PCDHGB4: variants seen among roughly 807,000 people sequenced by gnomAD.
PCDHGB4 encodes protocadherin gamma-B4.
Under a neutral mutation model 60.5 loss-of-function variants are expected in PCDHGB4, and 38 were observed. The ratio of observed to expected loss-of-function variants is 0.63; its 90% CI spans 0.48 to 0.82. PCDHGB4 has a LOEUF of 0.82. PCDHGB4 is among the 40% of genes least tolerant of loss of function. PCDHGB4 has a pLI of 0.00. For synonymous variants in PCDHGB4, 456 were observed against 509.7 expected, an observed-to-expected ratio of 0.89 and a Z score of 1.42; for missense variants, 1,109 against 1,209.6, an observed-to-expected ratio of 0.92 and a Z score of 1.23.
At chr5:141,419,413 C>T (rs568417008) in intron 1 of PCDHGB4, 4 of 1,613,444 alleles carry the variant, frequency 2.5e-6, no homozygotes, top group African/African-American at 1.3e-5. Flanking sequence ...TCGCGCAGCG[C>T]GCCTTCGACC....
intron 1 of PCDHGB4, chr5:141,399,419 G>T (rs778389329): frequency 6.2e-7 from 1 of 1,614,000 alleles, no homozygotes; most frequent in Admixed American, 1.7e-5. Context: ...CTCTCCTCCA[G>T]CATAAGCGTC....
At chr5:141,406,332 G>A (rs957923011) in intron 1 of PCDHGB4, among the ~76,000 whole-genome samples, 4 of 152,142 alleles carry the variant, frequency 2.6e-5, no homozygotes, top group East Asian at 1.9e-4. Context: ...TTACTCCTAC[G>A]ATCATTTATT....
At chr5:141,421,967 T>C (rs760789458) in intron 1 of PCDHGB4, 2 of 1,611,174 alleles carry the variant, frequency 1.2e-6, no homozygotes, top group Admixed American at 3.4e-5. Flanking sequence ...ACACAGTCCG[T>C]ATATCGCGTG....
intron 1 of PCDHGB4, among the ~76,000 whole-genome samples, chr5:141,429,602 C>T (rs548994907): frequency 1.1e-4 from 16 of 152,218 alleles, no homozygotes; most frequent in African/African-American, 3.6e-4. Flanking sequence ...TTCAAGTAAA[C>T]TCAATTTTAT....
intron 1 of PCDHGB4, chr5:141,430,865 C>G: frequency 6.3e-7 from 1 of 1,595,350 alleles, no homozygotes; most frequent in Non-Finnish European, 8.5e-7. Flanking sequence ...CTATTCAGTT[C>G]CGGAAGAGCT....
At chr5:141,401,214 C>T (rs894124786) in intron 1 of PCDHGB4, among the ~76,000 whole-genome samples, 4 of 151,920 alleles carry the variant, frequency 2.6e-5, no homozygotes, top group Non-Finnish European at 4.4e-5. Context: ...TGGTGGCGGG[C>T]GCCTGTAATC....
chr5:141,486,146 G>T lies in PCDHGB4; in HGVS notation c.2398-8661G>T. Reference sequence around the variant, plus strand: ...TGAATTTGATGTGCGGGCTCGCGATGGGGGTTCTCCAGCCATGGAGCAACA... The same window carrying T: ...TGAATTTGATGTGCGGGCTCGCGATTGGGGTTCTCCAGCCATGGAGCAACA... On this transcript the variant is annotated intron_variant, in intron 1 of 3. Transcript: ENST00000519479. The surrounding 1 kb of genome is among the most constrained non-coding windows in gnomAD (Gnocchi z 5.0). 6.2e-7 allele frequency: 1 copy of T among 1,614,184 alleles called. No homozygotes were observed. The highest frequency in any genetic ancestry group is 8.5e-7 in the Non-Finnish European group (1 of 1,180,032).
intron 1 of PCDHGB4, chr5:141,408,916 C>T (rs1379557230): frequency 6.8e-6 from 11 of 1,613,024 alleles, no homozygotes; most frequent in African/African-American, 2.7e-5. Flanking sequence ...CCAATGATAA[C>T]CCCCCGGTTT....
At chr5:141,400,498 A>G (rs1181845890) in intron 1 of PCDHGB4, 2 of 1,614,034 alleles carry the variant, frequency 1.2e-6, no homozygotes, top group Non-Finnish European at 1.7e-6. Flanking sequence ...TTGTAATTCC[A>G]GCGAGTCGAC....
chr5:141,418,360 G>A (rs544948410), intron 1 of PCDHGB4: 3 of 1,613,990 alleles, frequency 1.9e-6, no homozygotes, highest in Non-Finnish European at 2.5e-6. Context: ...TGAATTCGCT[G>A]AGCAAATACC....
At chr5:141,503,804 G>A (rs2099831736) in intron 2 of PCDHGB4, among the ~76,000 whole-genome samples, 1 of 152,034 alleles carries the variant, frequency 6.6e-6, no homozygotes, top group South Asian at 2.1e-4. Flanking sequence ...TAGGGACGGG[G>A]AATCCCAGAT....
rs1205836590 is a variant in PCDHGB4 at position 141,476,270 on chromosome 5, G to A, written c.2398-18537G>A. The A allele has an allele frequency of 6.2e-7, 1 of 1,614,088 alleles. No individual in the cohort carries two copies. Among genetic ancestry groups the A allele is most frequent in the Admixed American group, 1.7e-5 (1 of 60,026 alleles). Reference sequence around the variant, plus strand: ...GGGTTTCGCTGTGGGCAACGTGGTCGCGAACCTTGGTTTGGATCTCGGTAG... The same window carrying A: ...GGGTTTCGCTGTGGGCAACGTGGTCACGAACCTTGGTTTGGATCTCGGTAG... On this transcript the variant is annotated intron_variant, in intron 1 of 3. Transcript: ENST00000519479. The surrounding 1 kb of genome is among the most constrained non-coding windows in gnomAD (Gnocchi z 7.6).
Position 141,431,829 on chromosome 5 carries a change from C to T in PCDHGB4, c.2397+41548C>T, listed in dbSNP as rs758915768. On this transcript the variant is annotated intron_variant, in intron 1 of 3. Transcript: ENST00000519479. The surrounding 1 kb of genome is among the most constrained non-coding windows in gnomAD (Gnocchi z 4.8). ...CTCACCTCTCTCGCCAGCTCGGTTC[C>T]CGAAAACTCTCCCAGAGGGACATTA... The T allele has an allele frequency of 1.9e-6, 3 of 1,613,928 alleles. No individual in the cohort carries two copies. The highest frequency in any genetic ancestry group is 2.2e-5 in the South Asian group (2 of 91,090).
intron 1 of PCDHGB4, chr5:141,404,120 C>T (rs1224189151): frequency 1.2e-6 from 2 of 1,613,312 alleles, no homozygotes; most frequent in East Asian, 4.5e-5. Flanking sequence ...CCAGGAGAAT[C>T]TATCTTTTAC....
Position 141,511,208 on chromosome 5 carries a change from C to T in PCDHGB4, c.*35C>T, listed in dbSNP as rs1278180818. 27 of 1,610,922 alleles carry T rather than the reference C, an allele frequency of 1.7e-5. No individual in the cohort carries two copies. Among genetic ancestry groups the T allele is most frequent in the Non-Finnish European group, 2.3e-5 (27 of 1,178,572 alleles). ...CAGGCCAAGAGCCACAGGGCGGCCT[C>T]TCCCCAACCAGCCCAGCTTCTCCTT... On this transcript the variant is annotated 3_prime_UTR_variant, in exon 4 of 4. Coordinates refer to ENST00000519479, the MANE Select transcript of PCDHGB4 (RefSeq NM_003736.4).
At position 141,511,130 on chromosome 5, in the gene PCDHGB4, G is replaced by A. The variant is rs777082914; in HGVS notation, c.2729G>A (p.Gly910Asp). ...GKRDGKAPAG[G>D]NGNKKKSGKK... ...CGGGATGGCAAGGCCCCAGCAGGTG[G>A]CAATGGCAACAAGAAGAAGTCGGGC... The change falls in exon 4 of 4, where the codon GGC (glycine) becomes GAC (aspartate). Residue 910 changes from glycine (G) to aspartate (D), a missense_variant. Coordinates refer to ENST00000519479, the MANE Select transcript of PCDHGB4 (RefSeq NM_003736.4). 6.2e-7 allele frequency: 1 copy of A among 1,614,210 alleles called. No homozygotes were observed. The highest frequency in any genetic ancestry group is 1.1e-5 in the South Asian group (1 of 91,090).
rs766168062 is a variant in PCDHGB4, at chr5:141,491,124, G to A, written c.2398-3683G>A. ...TCGTGTCTACACACACTGGTGAGGT[G>A]CGCACAGCCCGGGCCTTACTGGAGG... On this transcript the variant is annotated intron_variant, in intron 1 of 3. Transcript: ENST00000519479. The surrounding 1 kb of genome is among the most constrained non-coding windows in gnomAD (Gnocchi z 6.9). 22 of 1,614,092 alleles carry A rather than the reference G, an allele frequency of 1.4e-5. No individual in the cohort carries two copies. The highest frequency in any genetic ancestry group is 3.3e-5 in the Admixed American group (2 of 60,004).
At chr5:141,459,686 C>T (rs79275885) in intron 1 of PCDHGB4, among the ~76,000 whole-genome samples, 5,534 of 152,296 alleles carry the variant, frequency 0.036, 130 homozygotes, top group South Asian at 0.077. Flanking sequence ...ATGCATAAAG[C>T]GTTCCGCTTG....
intron 3 of PCDHGB4, among the ~76,000 whole-genome samples, chr5:141,510,203 G>A (rs1164886289): frequency 6.6e-6 from 1 of 151,680 alleles, no homozygotes; most frequent in Non-Finnish European, 1.5e-5. Flanking sequence ...AGCCCAGGAG[G>A]CAGAGGTTGC....
Sources: allele counts gnomAD v4.1 joint callset (sites outside exome capture counted in the v4.1 genomes callset), GRCh38; gene constraint gnomAD v4.1.1; non-coding constraint Gnocchi (gnomAD v3.1); transcripts MANE v1.5; gene names NCBI Gene and HGNC (gene_info 2026-07-23, HGNC 2026-07-21).